The following WDSUB1 variants were observed in gnomAD, a reference collection of about 807,000 sequenced individuals.
WDSUB1 encodes WD repeat, sterile alpha motif and U-box domain containing 1.
In WDSUB1, 49 loss-of-function variants were observed where a neutral mutation model predicts 53.9. That is an observed-to-expected ratio of 0.91 (90% CI 0.72 to 1.15). The LOEUF is 1.15. WDSUB1 is among the 50% of genes most tolerant of loss of function. The pLI is 0.00. For synonymous variants in WDSUB1, 194 were observed against 200.6 expected (o/e 0.97, Z 0.28); for missense variants, 514 against 562.0 (o/e 0.91, Z 0.86).
At chr2:159,284,325 T>C (rs1345491783) in intron 1 of WDSUB1, among the ~76,000 whole-genome samples, 1 of 152,248 alleles carries the variant, frequency 6.6e-6, no homozygotes, top group Non-Finnish European at 1.5e-5. Context: ...ATTTCACCTT[T>C]GAAGCCTTTC....
At chr2:159,275,484 T>C in intron 4 of WDSUB1, 62 bp downstream of exon 4, 2 of 1,362,280 alleles carry the variant, frequency 1.5e-6, no homozygotes, top group South Asian at 1.4e-5. Flanking sequence ...AGTAAAAAGA[T>C]TAAATAGAAA....
chr2:159,238,121 T>C (rs2060536872), intron 10 of WDSUB1, among the ~76,000 whole-genome samples: 2 of 152,220 alleles, frequency 1.3e-5, no homozygotes, highest in Admixed American at 6.5e-5. Context: ...TTTGTTCATA[T>C]GTTTGAGCCA....
rs2060983999 is a variant in WDSUB1, at chr2:159,253,048, G to C, written c.1132+3148C>G. Among the ~76,000 whole-genome samples the C allele has an allele frequency of 2.0e-5, 3 of 152,090 alleles. No homozygotes were observed. The South Asian group carries it at 6.2e-4, about 32-fold the overall frequency. On this transcript the variant is annotated intron_variant, in intron 9 of 10. Transcript: ENST00000359774. Reference sequence around the variant, plus strand: ...CGTAGCAATCTGCCGCATTCCCAAGGCCTAGATATAAACTGAGGCCAATGA... The same window carrying C: ...CGTAGCAATCTGCCGCATTCCCAAGCCCTAGATATAAACTGAGGCCAATGA...
chr2:159,277,562 A>G (rs923734908), intron 3 of WDSUB1, among the ~76,000 whole-genome samples: 38 of 152,152 alleles, frequency 2.5e-4, no homozygotes, highest in Non-Finnish European at 5.3e-4. Flanking sequence ...AATTATAATA[A>G]CCTAACCTAC....
intron 5 of WDSUB1, among the ~76,000 whole-genome samples, chr2:159,261,004 G>GA (rs1274062902): frequency 6.6e-6 from 1 of 152,120 alleles, no homozygotes; most frequent in Non-Finnish European, 1.5e-5. Flanking sequence ...GTTCAAAATA[G>GA]AAATTATACT....
chr2:159,262,643 T>C (rs368590416), intron 5 of WDSUB1, among the ~76,000 whole-genome samples: 1 of 152,198 alleles, frequency 6.6e-6, no homozygotes, highest in African/African-American at 2.4e-5. Flanking sequence ...GAAGATGCAA[T>C]AGGATTTGAT....
In WDSUB1 at chr2:159,271,702, C is replaced by A; in HGVS notation, c.770G>T (p.Gly257Val). Residue 257 changes from glycine to valine, a missense_variant and splice_region_variant, in exon 5 of 11, where the codon GGG (glycine) becomes GTG (valine). Transcript: ENST00000359774. ...AGGAAAATTAAACCAACTAGCTTAC[C>A]CTGAGACTAGCATCTGCCCATCATG... ...FSHDGQMLVS[G>V]SVDKSVIVYD... 1.2e-6 allele frequency: 2 copies of A among 1,613,594 alleles called. No individual in the cohort carries two copies. The highest frequency in any genetic ancestry group is 1.7e-6 in the Non-Finnish European group (2 of 1,179,662).
chr2:159,242,741 C>T (rs544533503), intron 10 of WDSUB1, among the ~76,000 whole-genome samples: 1 of 148,184 alleles, frequency 6.7e-6, no homozygotes, highest in South Asian at 2.1e-4. Context: ...TACACCTAAA[C>T]CGTATCATTG....
Position 159,235,866 on chromosome 2 carries a change from AAGTC to A in WDSUB1, c.*163_*166del. On this transcript the variant is annotated 3_prime_UTR_variant, in exon 11 of 11. Transcript: ENST00000359774. ...ACTAGTACAAAAAGGCTTTTATAGT[AAGTC>A]CATGTGTTTTTTAAAGAATGAAAAT... The A allele has an allele frequency of 1.9e-6, 1 of 521,992 alleles. No homozygotes were observed. Among genetic ancestry groups the A allele is most frequent in the Non-Finnish European group, 2.9e-6 (1 of 343,334 alleles). 32.3% of individuals were successfully genotyped at this position (521,992 alleles called of 1,614,324 possible). A position where few individuals can be genotyped will look rare whatever the true frequency, so the allele number is the denominator to read the frequency against.
At chr2:159,264,496 T>C (rs1259846409) in intron 5 of WDSUB1, among the ~76,000 whole-genome samples, 1 of 152,190 alleles carries the variant, frequency 6.6e-6, no homozygotes, top group Non-Finnish European at 1.5e-5. Context: ...TATAAACAAC[T>C]GTCTTGTTGG....
rs148348277 is a variant in WDSUB1, at chr2:159,271,795, C to A, written c.677G>T (p.Gly226Val). The A allele has an allele frequency of 3.8e-4, 610 of 1,612,612 alleles. 2 individuals are homozygous for A. The highest frequency in any genetic ancestry group is 4.9e-4 in the Non-Finnish European group (574 of 1,178,958). The stretch of plus-strand genomic sequence containing the variant: ...TGTACTTTTATATTTTAATTCAAAA[C>A]CTGCAAATAACAAGGTAACAGAGAT... ...IWIVSFTHIL[G>V]FELKYKSTLS... Residue 226 changes from glycine to valine, a missense_variant and splice_region_variant, in exon 5 of 11, where the codon GGT becomes GTT. Physicochemically the swap from Gly to Val is moderately radical, Grantham distance 109. Coordinates refer to ENST00000359774, the MANE Select transcript of WDSUB1 (RefSeq NM_001128212.3).
rs181808385 is a variant in WDSUB1 at position 159,248,378 on chromosome 2, C to T, written c.1267G>A (p.Ala423Thr). Residue 423 changes from alanine to threonine, a missense_variant, in exon 10 of 11, where the codon GCA (alanine) becomes ACA (threonine). Ala to Thr is a moderately conservative substitution (Grantham distance 58). Transcript: ENST00000359774. Reference sequence around the variant, plus strand: ...AGTATAGCATCACACATACCTGATGCGATGACCGGATCTTTCATAAGTTCT... The same window carrying T: ...AGTATAGCATCACACATACCTGATGTGATGACCGGATCTTTCATAAGTTCT... ...TRELMKDPVI[A>T]SDGYSYEKEA... 35 of 1,611,264 alleles carry T rather than the reference C, an allele frequency of 2.2e-5. No individual in the cohort carries two copies. The highest frequency in any genetic ancestry group is 1.5e-4 in the Admixed American group (9 of 59,578).
At chr2:159,259,227 G>A (rs2061138317) in intron 6 of WDSUB1, among the ~76,000 whole-genome samples, 1 of 152,102 alleles carries the variant, frequency 6.6e-6, no homozygotes, top group South Asian at 2.1e-4. Context: ...GTTTCACCAT[G>A]TTGGCCAGGC....
Position 159,235,969 on chromosome 2 carries a change from G to T in WDSUB1, c.*64C>A. ...TTTTGCTTTTAATAATGTCTGATTA[G>T]TATTTACCTATAAATCATTCAAATG... On this transcript the variant is annotated 3_prime_UTR_variant, in exon 11 of 11. Transcript: ENST00000359774. The T allele has an allele frequency of 1.4e-6, 2 of 1,420,922 alleles. No homozygotes were observed. Among genetic ancestry groups the T allele is most frequent in the Non-Finnish European group, 1.9e-6 (2 of 1,068,994 alleles). 88.0% of individuals were successfully genotyped at this position (1,420,922 alleles called of 1,614,324 possible). A position where few individuals can be genotyped will look rare whatever the true frequency, so the allele number is the denominator to read the frequency against.
intron 9 of WDSUB1, among the ~76,000 whole-genome samples, chr2:159,251,778 A>C (rs1243582998): frequency 6.6e-6 from 1 of 152,248 alleles, no homozygotes; most frequent in East Asian, 1.9e-4. Flanking sequence ...ATAACCATCA[A>C]ATATACAAAA....
At chr2:159,273,313 T>C (rs928380248) in intron 4 of WDSUB1, among the ~76,000 whole-genome samples, 9 of 152,160 alleles carry the variant, frequency 5.9e-5, no homozygotes, top group Non-Finnish European at 8.8e-5. Flanking sequence ...AATACAACAA[T>C]AATAGGTTAT....
intron 8 of WDSUB1, among the ~76,000 whole-genome samples, chr2:159,256,640 G>T (rs1354545664): frequency 6.6e-6 from 1 of 151,102 alleles, no homozygotes; most frequent in African/African-American, 2.4e-5. Flanking sequence ...ACTTGCTTTT[G>T]GATCATTTTC....
rs534609773 is a variant in WDSUB1, at chr2:159,248,689, T to G, written c.1133-177A>C. ...AAAACGATCACCACTCATTGCAGCCTTGACCTCCTGGGCTCAAGTGATCCT... is the reference window on the plus strand; with the variant it reads ...AAAACGATCACCACTCATTGCAGCCGTGACCTCCTGGGCTCAAGTGATCCT... On this transcript the variant is annotated intron_variant, in intron 9 of 10. Coordinates refer to ENST00000359774, the MANE Select transcript of WDSUB1 (RefSeq NM_001128212.3). 3.7e-3 allele frequency among the ~76,000 whole-genome samples: 569 copies of G among 152,302 alleles called. 7 individuals are homozygous for G. The highest frequency in any genetic ancestry group is 0.013 in the African/African-American group (543 of 41,558).
At chr2:159,264,122 G>T (rs139489170) in intron 5 of WDSUB1, among the ~76,000 whole-genome samples, 1 of 152,248 alleles carries the variant, frequency 6.6e-6, no homozygotes, top group East Asian at 1.9e-4. Flanking sequence ...TTCCCCCAAT[G>T]TATCAAAATT....
Sources: gnomAD v4.1 joint callset for allele counts (sites outside exome capture counted in the v4.1 genomes callset) on GRCh38, gnomAD v4.1.1 for gene constraint, MANE v1.5 for transcripts, NCBI Gene and HGNC (gene_info 2026-07-23, HGNC 2026-07-21) for gene names.